The following DOCK11 variants were observed in gnomAD, a reference collection of about 807,000 sequenced individuals.
The protein encoded by DOCK11 is dedicator of cytokinesis protein 11.
Under a neutral mutation model 169.1 loss-of-function variants are expected in DOCK11, and 70 were observed. The ratio of observed to expected loss-of-function variants is 0.41; its 90% CI spans 0.34 to 0.51. The LOEUF (loss-of-function observed/expected upper bound fraction) is 0.51, where lower values mean the gene tolerates loss of function less well. Ranked by LOEUF, DOCK11 falls within the 20% of genes least tolerant of loss-of-function variation. The pLI, the probability that DOCK11 is intolerant of heterozygous loss-of-function variation, is 0.10. For synonymous variants in DOCK11, 529 were observed against 541.3 expected, an observed-to-expected ratio of 0.98 and a Z score of 0.32; for missense variants, 1,166 against 1,538.8, an observed-to-expected ratio of 0.76 and a Z score of 4.05.
At chrX:118,590,029 T>C (rs1473782411) in intron 18 of DOCK11, among the ~76,000 whole-genome samples, 181 bp from the exon 19 acceptor site, 1 of 112,314 alleles carries the variant, frequency 8.9e-6, no homozygotes, top group Non-Finnish European at 1.9e-5. Context: ...AGTTACATGG[T>C]GTCTCATTTG....
chrX:118,683,488 C>T (rs972323537), intron 52 of DOCK11, among the ~76,000 whole-genome samples: 5 of 111,276 alleles, frequency 4.5e-5, no homozygotes, highest in Admixed American at 2.9e-4. Context: ...TGAGGTATAC[C>T]GTTATCAAAT....
In DOCK11 at chrX:118,549,116, G is replaced by GTGTGTATGTGTGTGTGTT. The variant is rs1367784996; in HGVS notation, c.558+3005_558+3006insATGTGTGTGTGTTTGTGT. Among the ~76,000 whole-genome samples, 97 of 104,989 alleles carry GTGTGTATGTGTGTGTGTT rather than the reference G, an allele frequency of 9.2e-4. 1 individual carries two copies. Among genetic ancestry groups the GTGTGTATGTGTGTGTGTT allele is most frequent in the African/African-American group, 3.2e-3 (86 of 26,470 alleles). 91.2% of individuals were successfully genotyped at this position (104,989 alleles called of 115,157 possible). On this transcript the variant is annotated intron_variant, in intron 6 of 52. Coordinates refer to ENST00000276202, the MANE Select transcript of DOCK11 (RefSeq NM_144658.4). ...TCAGCTGCTCATATTCTGTGTGTGT[G>GTGTGTATGTGTGTGTGTT]TGTGTGTGTGTGTGATCATTAACAT...
intron 52 of DOCK11, among the ~76,000 whole-genome samples, chrX:118,684,250 GCTTTTTTTTCTTTTTTTTTT>G (rs2016805893): frequency 9.5e-6 from 1 of 105,495 alleles, no homozygotes; most frequent in African/African-American, 3.5e-5. Flanking sequence ...ACTTCTTCAA[GCTTTTTTTTCTTTTTTTTTT>G]CTTTTTTTTT....
intron 33 of DOCK11, 69 bp from the exon 34 acceptor site, chrX:118,628,094 C>A: frequency 1.5e-6 from 1 of 648,355 alleles, no homozygotes; most frequent in Non-Finnish European, 2.4e-6. Flanking sequence ...AAATTAGTTC[C>A]GTACTTTTTA....
intron 49 of DOCK11, 79 bp from the exon 50 acceptor site, chrX:118,680,979 A>G: frequency 5.4e-6 from 5 of 923,812 alleles, no homozygotes; most frequent in East Asian, 3.2e-5. Flanking sequence ...AGTTAAGCAC[A>G]ATAGAGTTTT....
intron 41 of DOCK11, 114 bp from the exon 42 acceptor site, chrX:118,651,850 T>C (rs2015954175): frequency 2.1e-6 from 1 of 487,630 alleles, no homozygotes. Context: ...TGGTACAGTG[T>C]AGAATCTTTA....
chrX:118,626,322 C>T (rs2015103500), intron 32 of DOCK11, among the ~76,000 whole-genome samples: 1 of 111,071 alleles, frequency 9.0e-6, no homozygotes, highest in Non-Finnish European at 1.9e-5. Flanking sequence ...CTGCCTGCCT[C>T]AGCCTCCCAA....
chrX:118,628,954 C>T (rs1315424982), intron 34 of DOCK11, among the ~76,000 whole-genome samples: 2 of 112,038 alleles, frequency 1.8e-5, no homozygotes, highest in East Asian at 5.6e-4. Context: ...ATGGCAGGAC[C>T]ATACTCGAAC....
intron 45 of DOCK11, among the ~76,000 whole-genome samples, chrX:118,670,613 T>G (rs1172365111): frequency 1.8e-5 from 2 of 111,734 alleles, no homozygotes; most frequent in Non-Finnish European, 3.8e-5. Context: ...GTTGTCAAAT[T>G]TTCTTAAGAC....
In DOCK11 at chrX:118,566,072, C is replaced by G. The variant is rs1439911270; in HGVS notation, c.761C>G (p.Ala254Gly). 8.3e-7 allele frequency: 1 copy of G among 1,210,194 alleles called. No individual in the cohort carries two copies. Among genetic ancestry groups the G allele is most frequent in the Admixed American group, 2.2e-5 (1 of 45,982 alleles). ...GATAAATATAGCCATTATCTGGCTG[C>G]TGAAACTGAGCAGGAAATGGAGGAA... Reference protein sequence around the residue: ...MLDKYSHYLAAETEQEMEEWL... With the variant: ...MLDKYSHYLAGETEQEMEEWL... The change falls in exon 8 of 53, where the codon GCT (alanine) becomes GGT (glycine). Residue 254 changes from alanine (A) to glycine (G), a missense_variant. Coordinates refer to ENST00000276202, the MANE Select transcript of DOCK11 (RefSeq NM_144658.4).
At position 118,685,952 on chromosome X, in the gene DOCK11, A is replaced by C; in HGVS notation, c.*145A>C. 4 of 734,443 alleles carry C rather than the reference A, an allele frequency of 5.4e-6. No homozygotes were observed. The highest frequency in any genetic ancestry group is 7.5e-6 in the Non-Finnish European group (4 of 533,133). The allele number at this position is 734,443 out of a possible 1,213,427, so 60.5% of individuals were successfully genotyped here. ...TCATGTGTTCCAACAGGGTGCTTAC[A>C]TATTTGTAAATAAGCAACTTGAAAG... On this transcript the variant is annotated 3_prime_UTR_variant, in exon 53 of 53. Transcript: ENST00000276202.
rs1442064757 is a variant in DOCK11, at chrX:118,662,795, A to G, written c.5076+3A>G. ...TGATGGATGTCCATTATAGTGAAGT[A>G]AGGATTCCAGGGCCTGCATTGCCAG... On this transcript the variant is annotated splice_donor_region_variant and intron_variant, in intron 45 of 52. Transcript: ENST00000276202. The G allele has an allele frequency of 8.2e-6, 9 of 1,092,404 alleles. No homozygotes were observed. Among genetic ancestry groups the G allele is most frequent in the Non-Finnish European group, 1.1e-5 (9 of 792,771 alleles). The allele number at this position is 1,092,404 out of a possible 1,213,427, so 90.0% of individuals were successfully genotyped here.
intron 36 of DOCK11, 89 bp downstream of exon 36, chrX:118,636,501 T>A: frequency 2.5e-6 from 1 of 394,337 alleles, no homozygotes; most frequent in Non-Finnish European, 4.2e-6. Flanking sequence ...AATAGCTTAT[T>A]TGCTAATAAT....
At chrX:118,557,722 C>G (rs1347837817) in intron 6 of DOCK11, among the ~76,000 whole-genome samples, 1 of 88,500 alleles carries the variant, frequency 1.1e-5, no homozygotes, top group Non-Finnish European at 2.1e-5. Context: ...CGAGATCGCG[C>G]CACTGTACTC....
intron 45 of DOCK11, 93 bp from the exon 46 acceptor site, chrX:118,670,926 CTGTT>C (rs1429450591): frequency 2.4e-6 from 2 of 822,216 alleles, no homozygotes; most frequent in African/African-American, 2.1e-5. Context: ...TTAGTACCAT[CTGTT>C]TGTTTTCTAC....
At chrX:118,535,884 G>A (rs888368867) in intron 1 of DOCK11, among the ~76,000 whole-genome samples, 1 of 112,045 alleles carries the variant, frequency 8.9e-6, no homozygotes, top group African/African-American at 3.2e-5. Flanking sequence ...GTTATGCAAA[G>A]CTCCTTCAGT....
intron 34 of DOCK11, among the ~76,000 whole-genome samples, chrX:118,629,641 AT>A (rs752045616): frequency 1.8e-5 from 2 of 109,776 alleles, no homozygotes; most frequent in South Asian, 7.7e-4. Flanking sequence ...TAATTAGCCC[AT>A]TTTTTAATTT....
chrX:118,627,449 T>C (rs901813203), intron 32 of DOCK11, 55 bp from the exon 33 acceptor site: 7 of 877,822 alleles, frequency 8.0e-6, no homozygotes, highest in Non-Finnish European at 1.2e-5. Context: ...AATTCAGATT[T>C]CTTATCCTAT....
chrX:118,589,421 G>T (rs190542737), intron 18 of DOCK11, among the ~76,000 whole-genome samples: 18 of 111,508 alleles, frequency 1.6e-4, no homozygotes, highest in African/African-American at 5.5e-4. Context: ...TTTAAGAAGA[G>T]TTGGATATTC....
Sources: allele counts gnomAD v4.1 joint callset (sites outside exome capture counted in the v4.1 genomes callset), GRCh38; gene constraint gnomAD v4.1.1; transcripts MANE v1.5; gene names NCBI Gene and HGNC (gene_info 2026-07-23, HGNC 2026-07-21).